CNTN4: variants seen among roughly 807,000 people sequenced by gnomAD.
CNTN4 encodes contactin 4, also known as contactin-4.
Under a neutral mutation model 122.5 loss-of-function variants are expected in CNTN4, and 77 were observed. The observed-to-expected ratio is 0.63, with a 90% CI of 0.52 to 0.76. The LOEUF (loss-of-function observed/expected upper bound fraction) is 0.76, where lower values mean the gene tolerates loss of function less well. Among genes scored for constraint, CNTN4 ranks in the 30% least tolerant of loss-of-function variants. The probability of loss-of-function intolerance (pLI) is 0.00; values close to 1 mark genes in which losing one functional copy is unlikely to be tolerated. For synonymous variants in CNTN4, 512 were observed against 447.0 expected (o/e 1.15, Z -1.83); for missense variants, 1,256 against 1,259.1 (o/e 1.00, Z 0.04).
intron 2 of CNTN4, among the ~76,000 whole-genome samples, chr3:2,328,171 CGAG>C: frequency 6.6e-6 from 1 of 152,188 alleles, no homozygotes; most frequent in South Asian, 2.1e-4. Flanking sequence ...TTTGGGAGGC[CGAG>C]GCGGGCGGAT....
chr3:2,464,296 G>A (rs561798984), intron 3 of CNTN4, among the ~76,000 whole-genome samples: 2 of 152,312 alleles, frequency 1.3e-5, no homozygotes, highest in East Asian at 3.9e-4. Flanking sequence ...AGAATCCGCA[G>A]TTAGCTCTTC....
intron 4 of CNTN4, among the ~76,000 whole-genome samples, chr3:2,603,498 G>A (rs1157955349): frequency 6.6e-6 from 1 of 152,188 alleles, no homozygotes; most frequent in Non-Finnish European, 1.5e-5. Flanking sequence ...GCTGATTAAA[G>A]TGTCTGAATA....
At chr3:2,277,177 C>A (rs867978452) in intron 2 of CNTN4, among the ~76,000 whole-genome samples, 1 of 152,220 alleles carries the variant, frequency 6.6e-6, no homozygotes, top group Middle Eastern at 3.4e-3. Context: ...TTCATAAAAT[C>A]TTAGCATCCT....
At chr3:2,237,828 G>A (rs939161241) in intron 2 of CNTN4, among the ~76,000 whole-genome samples, 16 of 152,096 alleles carry the variant, frequency 1.1e-4, no homozygotes, top group Non-Finnish European at 2.4e-4. Context: ...TTCATATGAA[G>A]ATTAAATAAT....
At chr3:2,836,571 A>G (rs2093229544) in intron 7 of CNTN4, among the ~76,000 whole-genome samples, 1 of 152,176 alleles carries the variant, frequency 6.6e-6, no homozygotes, top group African/African-American at 2.4e-5. Flanking sequence ...GACATTAAGT[A>G]AATATGGCAT....
chr3:2,317,124 T>A (rs945742693), intron 2 of CNTN4, among the ~76,000 whole-genome samples: 2 of 152,218 alleles, frequency 1.3e-5, no homozygotes, highest in African/African-American at 4.8e-5. Flanking sequence ...AGCATAATTG[T>A]ATGGACTACA....
At chr3:3,052,321 A>G (rs1262266716) in intron 23 of CNTN4, among the ~76,000 whole-genome samples, 3 of 152,110 alleles carry the variant, frequency 2.0e-5, no homozygotes, top group Non-Finnish European at 4.4e-5. Flanking sequence ...TGGTCTCTCT[A>G]TCCACTACAA....
intron 3 of CNTN4, among the ~76,000 whole-genome samples, chr3:2,526,510 A>G (rs1260275414): frequency 1.3e-5 from 2 of 152,154 alleles, no homozygotes; most frequent in South Asian, 2.1e-4. Flanking sequence ...AAAGCAAAAA[A>G]TGTGAAAACT....
chr3:2,734,721 C>T (rs1428088880), intron 4 of CNTN4, among the ~76,000 whole-genome samples: 2 of 151,744 alleles, frequency 1.3e-5, no homozygotes, highest in African/African-American at 4.8e-5. Context: ...ACCTAGATCC[C>T]CAAACCAACT....
At chr3:2,981,369 A>G (rs364379) in intron 13 of CNTN4, among the ~76,000 whole-genome samples, 40,921 of 149,794 alleles carry the variant, frequency 0.27, 5,726 homozygotes, top group East Asian at 0.32. Context: ...GCGTGAACCC[A>G]GGAGTTGGAG....
chr3:2,351,868 G>C (rs765531676), intron 3 of CNTN4, among the ~76,000 whole-genome samples: 1 of 152,082 alleles, frequency 6.6e-6, no homozygotes, highest in Non-Finnish European at 1.5e-5. Context: ...AAAGTTTCAT[G>C]TATAGACAAG....
chr3:2,500,852 C>T (rs1209167163), intron 3 of CNTN4, among the ~76,000 whole-genome samples: 1 of 151,992 alleles, frequency 6.6e-6, no homozygotes, highest in Non-Finnish European at 1.5e-5. Context: ...TTTACCTGTG[C>T]AAGCATCGTA....
intron 13 of CNTN4, among the ~76,000 whole-genome samples, chr3:2,951,250 A>T (rs1344638288): frequency 6.6e-6 from 1 of 152,028 alleles, no homozygotes; most frequent in Non-Finnish European, 1.5e-5. Flanking sequence ...TTTTCCACAG[A>T]TGGCGGGTGG....
intron 3 of CNTN4, among the ~76,000 whole-genome samples, chr3:2,371,650 A>G (rs2045637177): frequency 6.6e-6 from 1 of 152,172 alleles, no homozygotes; most frequent in African/African-American, 2.4e-5. Context: ...TTCCTCCGCT[A>G]GATTCGTGTT....
At chr3:2,522,097 A>C (rs1417076911) in intron 3 of CNTN4, among the ~76,000 whole-genome samples, 1 of 151,528 alleles carries the variant, frequency 6.6e-6, no homozygotes, top group Non-Finnish European at 1.5e-5. Flanking sequence ...CAGGCAGGCA[A>C]ATCCTCTACT....
intron 2 of CNTN4, among the ~76,000 whole-genome samples, chr3:2,334,625 A>T (rs1256773708): frequency 6.6e-6 from 1 of 152,170 alleles, no homozygotes; most frequent in Admixed American, 6.5e-5. Context: ...TTGTCCACTG[A>T]TTATTTAAAG....
intron 2 of CNTN4, among the ~76,000 whole-genome samples, chr3:2,127,330 G>A (rs1449039931): frequency 1.3e-5 from 2 of 152,086 alleles, no homozygotes; most frequent in South Asian, 2.1e-4. Context: ...ATCCTTCACA[G>A]CCTAGTGGGT....
intron 3 of CNTN4, among the ~76,000 whole-genome samples, chr3:2,485,352 A>G (rs1355724744): frequency 6.6e-6 from 1 of 152,238 alleles, no homozygotes; most frequent in Non-Finnish European, 1.5e-5. Context: ...TGCAGGATCC[A>G]CTAGGTGAAG....
intron 2 of CNTN4, among the ~76,000 whole-genome samples, chr3:2,246,157 T>C (rs953105027): frequency 1.8e-4 from 27 of 151,994 alleles, no homozygotes; most frequent in Non-Finnish European, 3.5e-4. Context: ...CTGATGTGTT[T>C]TTTTAAAAAA....
Sources: allele counts gnomAD v4.1 joint callset (sites outside exome capture counted in the v4.1 genomes callset), GRCh38; gene constraint gnomAD v4.1.1; transcripts MANE v1.5; gene names NCBI Gene and HGNC (gene_info 2026-07-23, HGNC 2026-07-21).